The following GIPC3 variants were observed in gnomAD, a reference collection of about 807,000 sequenced individuals.
GIPC3 encodes the protein GIPC PDZ domain containing family member 3.
In GIPC3, 16 loss-of-function variants were observed where a neutral mutation model predicts 27.3. The ratio of observed to expected loss-of-function variants is 0.59; its 90% CI spans 0.40 to 0.89. The LOEUF is 0.89. Among genes scored for constraint, GIPC3 ranks in the 40% least tolerant of loss-of-function variants. The probability of loss-of-function intolerance (pLI) is 0.00; values close to 1 mark genes in which losing one functional copy is unlikely to be tolerated. For missense variants in GIPC3, 440 were observed against 442.1 expected, an observed-to-expected ratio of 1.00 and a Z score of 0.04; for synonymous variants, 194 against 184.6, an observed-to-expected ratio of 1.05 and a Z score of -0.41.
chr19:3,588,510 G>A (rs187178134), intron 3 of GIPC3, among the ~76,000 whole-genome samples: 50 of 152,028 alleles, frequency 3.3e-4, no homozygotes, highest in Admixed American at 2.6e-3. Context: ...CTGCCCTGCC[G>A]TGGCTGTGAA....
chr19:3,587,845 C>G (rs1281041853), intron 3 of GIPC3, among the ~76,000 whole-genome samples: 1 of 151,704 alleles, frequency 6.6e-6, no homozygotes, highest in Non-Finnish European at 1.5e-5. Context: ...CGCCCGCCAC[C>G]ACACCCGGCT....
Position 3,591,270 on chromosome 19 carries a change from C to T in GIPC3, c.*1080C>T. ...TGAGACCAAGCCCTGCTCTGAAGCC[C>T]AGGCCAGCTCTGAGACGAAGCACAT... On this transcript the variant is annotated 3_prime_UTR_variant, in exon 6 of 6. Transcript: ENST00000644452. 8.1e-7 allele frequency: 1 copy of T among 1,232,830 alleles called. No individual in the cohort carries two copies. The highest frequency in any genetic ancestry group is 1.0e-6 in the Non-Finnish European group (1 of 988,478). 76.4% of individuals were successfully genotyped at this position (1,232,830 alleles called of 1,614,324 possible).
intron 3 of GIPC3, among the ~76,000 whole-genome samples, chr19:3,588,735 G>A (rs1218528300): frequency 6.6e-6 from 1 of 151,750 alleles, no homozygotes; most frequent in African/African-American, 2.4e-5. Flanking sequence ...ACGAGGTCAG[G>A]AGTTCGAGAC....
rs755189458 is a variant in GIPC3 at position 3,586,692 on chromosome 19, G to T, written c.411+12G>T. 3.1e-6 allele frequency: 5 copies of T among 1,611,122 alleles called. No individual in the cohort carries two copies. Among genetic ancestry groups the T allele is most frequent in the Non-Finnish European group, 4.2e-6 (5 of 1,178,336 alleles). On this transcript the variant is annotated intron_variant, in intron 2 of 5. Coordinates refer to ENST00000644452, the MANE Select transcript of GIPC3 (RefSeq NM_133261.3). ...ACGCCTTCATCAAGGTGCCCGGGAG[G>T]GGGTGGGCGGGTGGCTTCCTGGGGT...
chr19:3,586,993 C>T lies in GIPC3; in HGVS notation c.591C>T (p.Phe197=), dbSNP rs759536524. The change falls in exon 3 of 6, where the codon TTC becomes TTT. Residue 197 remains phenylalanine (F), a splice_region_variant and synonymous_variant. Transcript: ENST00000644452. The part of the protein sequence containing the change: ...TLRLVQPKRA[F]DMIGQRSRSS... ...GCCTGGTGCAGCCCAAGAGGGCCTT[C>T]GGTGAGGCGGGTGGGCTGGCGGGAG... 1.9e-6 allele frequency: 3 copies of T among 1,611,450 alleles called. No individual in the cohort carries two copies. Among genetic ancestry groups the T allele is most frequent in the African/African-American group, 1.3e-5 (1 of 74,946 alleles).
intron 3 of GIPC3, among the ~76,000 whole-genome samples, chr19:3,589,162 C>T (rs989250433): frequency 1.3e-5 from 2 of 152,134 alleles, no homozygotes; most frequent in East Asian, 3.9e-4. Flanking sequence ...GCAGTCCCTT[C>T]TAGAGAAAGT....
At position 3,591,962 on chromosome 19, in the gene GIPC3, C is replaced by A. The variant is rs1464633935; in HGVS notation, c.*1772C>A. On this transcript the variant is annotated 3_prime_UTR_variant, in exon 6 of 6. Transcript: ENST00000644452. ...GGCCAAGCTCCAGAGCTCAATCCAGCCCAAGCACCGCACCCAGCTCTGGAA... is the reference window on the plus strand; with the variant it reads ...GGCCAAGCTCCAGAGCTCAATCCAGACCAAGCACCGCACCCAGCTCTGGAA... 8.1e-7 allele frequency: 1 copy of A among 1,232,108 alleles called. No homozygotes were observed. The highest frequency in any genetic ancestry group is 1.0e-6 in the Non-Finnish European group (1 of 988,184). The allele number at this position is 1,232,108 out of a possible 1,614,324, so 76.3% of individuals were successfully genotyped here. A position where few individuals can be genotyped will look rare whatever the true frequency, so the allele number is the denominator to read the frequency against.
At position 3,591,809 on chromosome 19, in the gene GIPC3, C is replaced by T; in HGVS notation, c.*1619C>T. The T allele has an allele frequency of 3.2e-6, 4 of 1,233,796 alleles. No individual in the cohort carries two copies. Among genetic ancestry groups the T allele is most frequent in the Non-Finnish European group, 4.0e-6 (4 of 989,394 alleles). The allele number at this position is 1,233,796 out of a possible 1,614,324, so 76.4% of individuals were successfully genotyped here. ...CCAGGATTCAGACCAGCTCTGGAACCCCATCCATCTTGGAAGCAAGACCCA... is the reference window on the plus strand; with the variant it reads ...CCAGGATTCAGACCAGCTCTGGAACTCCATCCATCTTGGAAGCAAGACCCA... On this transcript the variant is annotated 3_prime_UTR_variant, in exon 6 of 6. Coordinates refer to ENST00000644452, the MANE Select transcript of GIPC3 (RefSeq NM_133261.3).
Position 3,586,877 on chromosome 19 carries a change from G to T in GIPC3, c.475G>T (p.Ala159Ser), listed in dbSNP as rs1393943019. 1.2e-6 allele frequency: 2 copies of T among 1,613,378 alleles called. No individual in the cohort carries two copies. Among genetic ancestry groups the T allele is most frequent in the Non-Finnish European group, 1.7e-6 (2 of 1,180,004 alleles). Residue 159 changes from alanine (A) to serine (S), a missense_variant, in exon 3 of 6, where the codon GCC becomes TCC. Physicochemically the swap from Ala to Ser is moderately conservative, Grantham distance 99. Coordinates refer to ENST00000644452, the MANE Select transcript of GIPC3 (RefSeq NM_133261.3). Reference protein sequence around the residue: ...EAVCVGDSIEAINDHSIVGCR... With the variant: ...EAVCVGDSIESINDHSIVGCR... ...AGTGTGCGTGGGTGACAGCATCGAA[G>T]CCATCAACGACCACTCCATTGTGGG...
Position 3,586,941 on chromosome 19 carries a change from T to C in GIPC3, c.539T>C (p.Leu180Pro), listed in dbSNP as rs758774657. ...HYEVAKMLRE[L>P]PKSQPFTLRL... The stretch of plus-strand genomic sequence containing the variant: ...GAGGTGGCCAAGATGCTCCGGGAGC[T>C]GCCCAAGTCCCAGCCCTTCACCCTG... The change falls in exon 3 of 6, where the codon CTG becomes CCG. Residue 180 changes from leucine (L) to proline (P), a missense_variant. Coordinates refer to ENST00000644452, the MANE Select transcript of GIPC3 (RefSeq NM_133261.3). The C allele has an allele frequency of 1.9e-6, 3 of 1,613,304 alleles. No homozygotes were observed. Among genetic ancestry groups the C allele is most frequent in the South Asian group, 1.1e-5 (1 of 91,078 alleles).
At position 3,586,962 on chromosome 19, in the gene GIPC3, C is replaced by T. The variant is rs1165716765; in HGVS notation, c.560C>T (p.Thr187Ile). 1 of 1,612,988 alleles carries T rather than the reference C, an allele frequency of 6.2e-7. No individual in the cohort carries two copies. The highest frequency in any genetic ancestry group is 8.5e-7 in the Non-Finnish European group (1 of 1,179,968). The change falls in exon 3 of 6, where the codon ACC becomes ATC. Residue 187 changes from threonine to isoleucine, a missense_variant. Coordinates refer to ENST00000644452, the MANE Select transcript of GIPC3 (RefSeq NM_133261.3). Reference protein sequence around the residue: ...LRELPKSQPFTLRLVQPKRAF... With the variant: ...LRELPKSQPFILRLVQPKRAF... The stretch of plus-strand genomic sequence containing the variant: ...GAGCTGCCCAAGTCCCAGCCCTTCA[C>T]CCTGCGCCTGGTGCAGCCCAAGAGG...
chr19:3,589,626 G>T, intron 4 of GIPC3, 71 bp downstream of exon 4: 1 of 1,346,566 alleles, frequency 7.4e-7, no homozygotes, highest in Non-Finnish European at 1.1e-6. Context: ...GTGCGGTCTT[G>T]GGTAAGAACT....
rs17433775 is a variant in GIPC3, at chr19:3,593,006, A to G, written c.*2816A>G. The G allele has an allele frequency of 0.085, 102,121 of 1,199,224 alleles. 4,443 individuals carry two copies. The highest frequency in any genetic ancestry group is 0.09 in the Non-Finnish European group (88,068 of 974,462). The allele number at this position is 1,199,224 out of a possible 1,614,324, so 74.3% of individuals were successfully genotyped here. On this transcript the variant is annotated 3_prime_UTR_variant, in exon 6 of 6. Coordinates refer to ENST00000644452, the MANE Select transcript of GIPC3 (RefSeq NM_133261.3). The stretch of plus-strand genomic sequence containing the variant: ...CTCTGCCTCAGCCCCATGATCAGGT[A>G]TGTGGCATCCAGGCCAGCCTTGGCC...
Position 3,592,766 on chromosome 19 carries a change from C to T in GIPC3, c.*2576C>T. The T allele has an allele frequency of 8.1e-7, 1 of 1,232,056 alleles. No individual in the cohort carries two copies. The highest frequency in any genetic ancestry group is 1.0e-6 in the Non-Finnish European group (1 of 987,952). The allele number at this position is 1,232,056 out of a possible 1,614,324, so 76.3% of individuals were successfully genotyped here. On this transcript the variant is annotated 3_prime_UTR_variant, in exon 6 of 6. Transcript: ENST00000644452. Reference sequence around the variant, plus strand: ...GAATTCAGCCCAGCCCTGGAGCCCACCTTAGTTCTGGAACCCAGCCTGTTT... The same window carrying T: ...GAATTCAGCCCAGCCCTGGAGCCCATCTTAGTTCTGGAACCCAGCCTGTTT...
At position 3,592,274 on chromosome 19, in the gene GIPC3, A is replaced by G; in HGVS notation, c.*2084A>G. 8.1e-7 allele frequency: 1 copy of G among 1,232,126 alleles called. No homozygotes were observed. The highest frequency in any genetic ancestry group is 1.0e-6 in the Non-Finnish European group (1 of 988,016). 76.3% of individuals were successfully genotyped at this position (1,232,126 alleles called of 1,614,324 possible). On this transcript the variant is annotated 3_prime_UTR_variant, in exon 6 of 6. Coordinates refer to ENST00000644452, the MANE Select transcript of GIPC3 (RefSeq NM_133261.3). ...GTTCTAGATACCAGCTCCAGACCAC[A>G]GCCCCAGACAGCTCTGGTATTCAAC...
chr19:3,586,037 T>G lies in GIPC3; in HGVS notation c.225+215T>G, dbSNP rs1183311085. ...CTCTGCGCAAAAGATGGGCAGGTCT[T>G]AGGACTAGCGGACCCCTAGATATTC... On this transcript the variant is annotated intron_variant, in intron 1 of 5. Coordinates refer to ENST00000644452, the MANE Select transcript of GIPC3 (RefSeq NM_133261.3). Among the ~76,000 whole-genome samples, 3 of 152,070 alleles carry G rather than the reference T, an allele frequency of 2.0e-5. No individual in the cohort carries two copies. In the East Asian group the frequency reaches 5.8e-4, roughly 29 times the overall value.
chr19:3,589,002 C>G (rs1019690355), intron 3 of GIPC3, among the ~76,000 whole-genome samples: 1 of 151,914 alleles, frequency 6.6e-6, no homozygotes, highest in African/African-American at 2.4e-5. Flanking sequence ...AGAGCCCAGG[C>G]CAGCTCTCAG....
In GIPC3 at chr19:3,590,253, T is replaced by C; in HGVS notation, c.*63T>C. 2 of 1,538,160 alleles carry C rather than the reference T, an allele frequency of 1.3e-6. No individual in the cohort carries two copies. Among genetic ancestry groups the C allele is most frequent in the South Asian group, 2.4e-5 (2 of 83,418 alleles). Reference sequence around the variant, plus strand: ...GCCCAGCCCCCTGCCCCGGCCCTGCTCCAGAACCCAGCCCAGATCGGAGGA... The same window carrying C: ...GCCCAGCCCCCTGCCCCGGCCCTGCCCCAGAACCCAGCCCAGATCGGAGGA... On this transcript the variant is annotated 3_prime_UTR_variant, in exon 6 of 6. Coordinates refer to ENST00000644452, the MANE Select transcript of GIPC3 (RefSeq NM_133261.3).
At position 3,589,518 on chromosome 19, in the gene GIPC3, G is replaced by A. The variant is rs763093036; in HGVS notation, c.668G>A (p.Arg223Gln). 12 of 1,613,884 alleles carry A rather than the reference G, an allele frequency of 7.4e-6. No individual in the cohort carries two copies. Among genetic ancestry groups the A allele is most frequent in the Admixed American group, 1.7e-5 (1 of 59,990 alleles). Residue 223 changes from arginine to glutamine, a missense_variant, in exon 4 of 6, where the codon CGG becomes CAG. Transcript: ENST00000644452. Reference protein sequence around the residue: ...AKVTSGRETLRLRSGGAATVE... With the variant: ...AKVTSGRETLQLRSGGAATVE... Reference sequence around the variant, plus strand: ...GTGACCAGCGGGAGGGAGACCCTGCGGCTTCGTTCTGGGGGGGCTGCCACA... The same window carrying A: ...GTGACCAGCGGGAGGGAGACCCTGCAGCTTCGTTCTGGGGGGGCTGCCACA...
Sources: allele counts gnomAD v4.1 joint callset (sites outside exome capture counted in the v4.1 genomes callset), GRCh38; gene constraint gnomAD v4.1.1; transcripts MANE v1.5; gene names NCBI Gene and HGNC (gene_info 2026-07-23, HGNC 2026-07-21).